ASF1A: variants seen among roughly 807,000 people sequenced by gnomAD.
ASF1A encodes histone chaperone ASF1A.
ASF1A carries 5 observed loss-of-function variants against 22.0 expected under a neutral mutation model. That is an observed-to-expected ratio of 0.23 (90% CI 0.12 to 0.48). The LOEUF (loss-of-function observed/expected upper bound fraction) is 0.48, where lower values mean the gene tolerates loss of function less well. ASF1A is among the 20% of genes least tolerant of loss of function. The pLI, the probability that ASF1A is intolerant of heterozygous loss-of-function variation, is 0.99. For missense variants in ASF1A, 137 were observed against 240.6 expected (o/e 0.57, Z 2.85); for synonymous variants, 97 against 86.7 (o/e 1.12, Z -0.66).
intron 2 of ASF1A, among the ~76,000 whole-genome samples, chr6:118,902,728 A>C (rs538614173): frequency 6.6e-6 from 1 of 152,202 alleles, no homozygotes; most frequent in Admixed American, 6.5e-5. Flanking sequence ...GTCAGTGTAC[A>C]TGTTGCCAAA....
chr6:118,901,890 AC>A (rs1401732092), intron 2 of ASF1A, among the ~76,000 whole-genome samples: 2 of 152,188 alleles, frequency 1.3e-5, no homozygotes, highest in Non-Finnish European at 2.9e-5. Flanking sequence ...TTAAATGAAT[AC>A]CATTGGTCAA....
intron 1 of ASF1A, 100 bp downstream of exon 1, chr6:118,894,622 TGGCGGCCGCGG>T: frequency 9.5e-7 from 1 of 1,054,082 alleles, no homozygotes. Flanking sequence ...GTTCGGCGCC[TGGCGGCCGCGG>T]GCTGCTCTGC....
At chr6:118,902,503 C>A (rs1026164901) in intron 2 of ASF1A, among the ~76,000 whole-genome samples, 5 of 150,702 alleles carry the variant, frequency 3.3e-5, no homozygotes, top group African/African-American at 1.2e-4. Flanking sequence ...GTAAAAGAAA[C>A]CTGGGTTGAC....
Position 118,907,597 on chromosome 6 carries a change from C to G in ASF1A, c.598C>G (p.His200Asp), listed in dbSNP as rs1275030057. 6.2e-7 allele frequency: 1 copy of G among 1,613,248 alleles called. No individual in the cohort carries two copies. Among genetic ancestry groups the G allele is most frequent in the African/African-American group, 1.3e-5 (1 of 74,888 alleles). ...ENSLNVMLES[H>D]MDCM The stretch of plus-strand genomic sequence containing the variant: ...CTCACTAAATGTCATGTTAGAATCC[C>G]ACATGGACTGCATGTGACCACCTAC... The change falls in exon 4 of 4, where the codon CAC becomes GAC. Residue 200 changes from histidine to aspartate, a missense_variant. Physicochemically the swap from His to Asp is moderately conservative, Grantham distance 81. Coordinates refer to ENST00000229595, the MANE Select transcript of ASF1A (RefSeq NM_014034.3).
rs925789969 is a variant in ASF1A at position 118,907,778 on chromosome 6, T to C, written c.*164T>C. Reference sequence around the variant, plus strand: ...CAGTATTTGAACAAATTGTGGAATATAAATACAACTATTTTTAAGTAATTT... The same window carrying C: ...CAGTATTTGAACAAATTGTGGAATACAAATACAACTATTTTTAAGTAATTT... On this transcript the variant is annotated 3_prime_UTR_variant, in exon 4 of 4. Transcript: ENST00000229595. 5 of 562,240 alleles carry C rather than the reference T, an allele frequency of 8.9e-6. No individual in the cohort carries two copies. The highest frequency in any genetic ancestry group is 7.5e-5 in the African/African-American group (4 of 53,434). 34.8% of individuals were successfully genotyped at this position (562,240 alleles called of 1,614,324 possible). A position where few individuals can be genotyped will look rare whatever the true frequency, so the allele number is the denominator to read the frequency against.
In ASF1A at chr6:118,908,299, A is replaced by G. The variant is rs1001236836; in HGVS notation, c.*685A>G. ...ATAACAGAGTTTAGAATATCAGAGC[A>G]TTTCTTGAATCATACATCATTATTG... On this transcript the variant is annotated 3_prime_UTR_variant, in exon 4 of 4. Transcript: ENST00000229595. 4 of 152,172 alleles carry G rather than the reference A, an allele frequency of 2.6e-5. No homozygotes were observed. The highest frequency in any genetic ancestry group is 9.7e-5 in the African/African-American group (4 of 41,444). The allele number at this position is 152,172 out of a possible 1,614,324, so 9.4% of individuals were successfully genotyped here. A position where few individuals can be genotyped will look rare whatever the true frequency, so the allele number is the denominator to read the frequency against.
chr6:118,907,534 T>C lies in ASF1A; in HGVS notation c.535T>C (p.Leu179=), dbSNP rs781052600. The change falls in exon 4 of 4, where the codon TTA becomes CTA. Residue 179 remains leucine (L), a synonymous_variant. Transcript: ENST00000229595. Reference sequence around the variant, plus strand: ...ACAGTCACTTCTTTCAACAGATGCATTACCTTCAGCATCAAAGGGATGGTC... The same window carrying C: ...ACAGTCACTTCTTTCAACAGATGCACTACCTTCAGCATCAAAGGGATGGTC... The part of the protein sequence containing the change: ...NLQSLLSTDA[L]PSASKGWSTS... 2 of 1,613,702 alleles carry C rather than the reference T, an allele frequency of 1.2e-6. No homozygotes were observed. Among genetic ancestry groups the C allele is most frequent in the East Asian group, 4.5e-5 (2 of 44,834 alleles).
rs1779207589 is a variant in ASF1A, at chr6:118,894,523, G to A, written c.109+1G>A. On this transcript the variant is annotated splice_donor_variant, in intron 1 of 3. Transcript: ENST00000229595. LOFTEE classifies it high-confidence loss of function. ...GAGTGCATCGAGGACCTGTCTGAAGGTGAGTGCGGCGCCCGTGCGCCCGGG... is the reference window on the plus strand; with the variant it reads ...GAGTGCATCGAGGACCTGTCTGAAGATGAGTGCGGCGCCCGTGCGCCCGGG... 1 of 1,536,602 alleles carries A rather than the reference G, an allele frequency of 6.5e-7. No individual in the cohort carries two copies. The highest frequency in any genetic ancestry group is 8.7e-7 in the Non-Finnish European group (1 of 1,146,324).
At position 118,903,835 on chromosome 6, in the gene ASF1A, C is replaced by T. The variant is rs568449573; in HGVS notation, c.226-1817C>T. On this transcript the variant is annotated intron_variant, in intron 2 of 3. Coordinates refer to ENST00000229595, the MANE Select transcript of ASF1A (RefSeq NM_014034.3). ...TTCCTGGGCTCAAGTGATCCACCCA[C>T]CTTAGCCTCCCAAAGTGCTAGGATT... Among the ~76,000 whole-genome samples, 141 of 152,270 alleles carry T rather than the reference C, an allele frequency of 9.3e-4. 2 individuals are homozygous for T. Among genetic ancestry groups the T allele is most frequent in the South Asian group, 7.3e-3 (35 of 4,826 alleles).
At position 118,907,537 on chromosome 6, in the gene ASF1A, C is replaced by T. The variant is rs377743166; in HGVS notation, c.538C>T (p.Pro180Ser). The change falls in exon 4 of 4, where the codon CCT (proline) becomes TCT (serine). Residue 180 changes from proline to serine, a missense_variant. Transcript: ENST00000229595. Reference sequence around the variant, plus strand: ...GTCACTTCTTTCAACAGATGCATTACCTTCAGCATCAAAGGGATGGTCCAC... The same window carrying T: ...GTCACTTCTTTCAACAGATGCATTATCTTCAGCATCAAAGGGATGGTCCAC... ...LQSLLSTDAL[P>S]SASKGWSTSE... is the part of the protein sequence containing the mutation. 3.1e-6 allele frequency: 5 copies of T among 1,613,542 alleles called. No homozygotes were observed. The highest frequency in any genetic ancestry group is 4.2e-6 in the Non-Finnish European group (5 of 1,179,702).
In ASF1A at chr6:118,901,550, C is replaced by G. The variant is rs916245446; in HGVS notation, c.225+669C>G. 3.9e-5 allele frequency among the ~76,000 whole-genome samples: 6 copies of G among 152,286 alleles called. No individual in the cohort carries two copies. In the East Asian group the frequency reaches 7.7e-4, roughly 20 times the overall value. On this transcript the variant is annotated intron_variant, in intron 2 of 3. Coordinates refer to ENST00000229595, the MANE Select transcript of ASF1A (RefSeq NM_014034.3). The stretch of plus-strand genomic sequence containing the variant: ...ATAAAAATTTTGTTCTTAGATACCA[C>G]TGAGAGTATTTGGATCTATACCAAG...
rs532083043 is a variant in ASF1A at position 118,908,451 on chromosome 6, T to C, written c.*837T>C. ...TAAAAATACCATGACCTTTAAAAAT[T>C]CTTTTAATAGATCATGTTATTGGCA... On this transcript the variant is annotated 3_prime_UTR_variant, in exon 4 of 4. Coordinates refer to ENST00000229595, the MANE Select transcript of ASF1A (RefSeq NM_014034.3). 1 of 152,288 alleles carries C rather than the reference T, an allele frequency of 6.6e-6. No individual in the cohort carries two copies. The highest frequency in any genetic ancestry group is 1.9e-4 in the East Asian group (1 of 5,192). The allele number at this position is 152,288 out of a possible 1,614,324, so 9.4% of individuals were successfully genotyped here. A position where few individuals can be genotyped will look rare whatever the true frequency, so the allele number is the denominator to read the frequency against.
At chr6:118,903,604 A>G (rs1779961029) in intron 2 of ASF1A, among the ~76,000 whole-genome samples, 1 of 152,242 alleles carries the variant, frequency 6.6e-6, no homozygotes, top group African/African-American at 2.4e-5. Context: ...TATTGATTCT[A>G]CCTTCTGAGT....
chr6:118,903,133 AGAACCAATTTACTGAAGG>A (rs1239946368), intron 2 of ASF1A, among the ~76,000 whole-genome samples: 30 of 152,254 alleles, frequency 2.0e-4, no homozygotes, highest in Admixed American at 1.4e-3. Context: ...AAACATGCCT[AGAACCAATTTACTGAAGG>A]GAACCAATTT....
chr6:118,903,386 G>T (rs1215380150), intron 2 of ASF1A, among the ~76,000 whole-genome samples: 2 of 152,076 alleles, frequency 1.3e-5, no homozygotes, highest in Non-Finnish European at 2.9e-5. Context: ...CCCCTTCAGG[G>T]CAGGAACTGA....
intron 1 of ASF1A, among the ~76,000 whole-genome samples, chr6:118,898,805 C>G (rs1779610704): frequency 6.6e-6 from 1 of 152,180 alleles, no homozygotes; most frequent in Non-Finnish European, 1.5e-5. Context: ...CTTCACTTGG[C>G]TTTTGGGTCA....
chr6:118,894,583 C>G, intron 1 of ASF1A, 61 bp downstream of exon 1: 1 of 1,374,380 alleles, frequency 7.3e-7, no homozygotes, highest in Non-Finnish European at 1.0e-6. Flanking sequence ...TGAAAGTTTC[C>G]CGGGCCGGGC....
intron 1 of ASF1A, among the ~76,000 whole-genome samples, chr6:118,900,025 C>T (rs114833629): frequency 0.01 from 1,581 of 152,274 alleles, 29 homozygotes; most frequent in African/African-American, 0.036. Context: ...CAGTAAAATC[C>T]GCTATATTGA....
At chr6:118,900,094 G>A (rs1231479461) in intron 1 of ASF1A, among the ~76,000 whole-genome samples, 1 of 152,162 alleles carries the variant, frequency 6.6e-6, no homozygotes, top group African/African-American at 2.4e-5. Flanking sequence ...TATCTCCACT[G>A]TGTATACTCT....
Sources: gnomAD v4.1 joint callset for allele counts (sites outside exome capture counted in the v4.1 genomes callset) on GRCh38, gnomAD v4.1.1 for gene constraint, MANE v1.5 for transcripts, NCBI Gene and HGNC (gene_info 2026-07-23, HGNC 2026-07-21) for gene names.